The following ZIM2 variants were observed in gnomAD, a reference collection of about 807,000 sequenced individuals.
ZIM2 encodes zinc finger imprinted 2.
Under a neutral mutation model 38.6 loss-of-function variants are expected in ZIM2, and 14 were observed. That is an observed-to-expected ratio of 0.36 (90% CI 0.24 to 0.57). The LOEUF (loss-of-function observed/expected upper bound fraction) is 0.57, where lower values mean the gene tolerates loss of function less well. Ranked by LOEUF, ZIM2 falls within the 20% of genes least tolerant of loss-of-function variation. The pLI is 0.81. For synonymous variants in ZIM2, 247 were observed against 245.8 expected (o/e 1.00, Z -0.04); for missense variants, 680 against 695.1 (o/e 0.98, Z 0.24).
chr19:56,811,576 A>G (rs2059544955), intron 9 of ZIM2: 1 of 985,226 alleles, frequency 1.0e-6, no homozygotes, highest in South Asian at 4.7e-5. Context: ...ACTTACAGCA[A>G]GTTGCTTTCT....
chr19:56,810,415 C>A, intron 9 of ZIM2: 1 of 985,094 alleles, frequency 1.0e-6, no homozygotes, highest in African/African-American at 1.7e-5. Context: ...TTTCATCTTT[C>A]TTCCCATCTT....
chr19:56,814,312 T>TTGGCTTCAAC lies in ZIM2; in HGVS notation c.490+3424_490+3433dup. 6.2e-7 allele frequency: 1 copy of TTGGCTTCAAC among 1,614,154 alleles called. No individual in the cohort carries two copies. Among genetic ancestry groups the TTGGCTTCAAC allele is most frequent in the Non-Finnish European group, 8.5e-7 (1 of 1,180,038 alleles). On this transcript the variant is annotated intron_variant, in intron 9 of 12. Coordinates refer to ENST00000629319, the MANE Select transcript of ZIM2 (RefSeq NM_001387356.1). The surrounding 1 kb of genome is among the most constrained non-coding windows in gnomAD (Gnocchi z 5.8). Reference sequence around the variant, plus strand: ...CAGAACTACTTGTGGAACATGGACATTGGCTTCAACTTCCTGGGCTGCTGC... The same window carrying TTGGCTTCAAC: ...CAGAACTACTTGTGGAACATGGACATTGGCTTCAACTGGCTTCAACTTCCTGGGCTGCTGC...
chr19:56,809,868 A>C (rs1000749753), intron 9 of ZIM2, among the ~76,000 whole-genome samples: 3 of 152,236 alleles, frequency 2.0e-5, no homozygotes, highest in Non-Finnish European at 4.4e-5. Context: ...CATATGTTTT[A>C]GTTTCATAAG....
In ZIM2 at chr19:56,821,636, GAAACCTGAGC is replaced by G. The variant is rs1447112269; in HGVS notation, c.294+5_294+14del. 1 of 1,612,504 alleles carries G rather than the reference GAAACCTGAGC, an allele frequency of 6.2e-7. No individual in the cohort carries two copies. The highest frequency in any genetic ancestry group is 1.3e-5 in the African/African-American group (1 of 74,858). ...GAAGATGGCCTTTCTAGAAAGAGAG[GAAACCTGAGC>G]ATACCTGAGATCGGGACTCATAAGC... On this transcript the variant is annotated splice_donor_5th_base_variant and intron_variant, in intron 7 of 12. Transcript: ENST00000629319.
At chr19:56,791,704 C>T (rs959347146) in intron 9 of ZIM2, among the ~76,000 whole-genome samples, 62 of 152,262 alleles carry the variant, frequency 4.1e-4, no homozygotes, top group African/African-American at 1.4e-3. Context: ...TCATTGTTCC[C>T]TTGCTATATA....
intron 9 of ZIM2, among the ~76,000 whole-genome samples, chr19:56,805,534 T>A (rs930430161): frequency 2.0e-5 from 3 of 152,122 alleles, no homozygotes; most frequent in Non-Finnish European, 4.4e-5. Flanking sequence ...AACCAGAAAG[T>A]ATTCAGTGGG....
At chr19:56,822,991 G>T (rs906998510) in intron 5 of ZIM2, among the ~76,000 whole-genome samples, 155 bp from the exon 6 acceptor site, 1 of 152,126 alleles carries the variant, frequency 6.6e-6, no homozygotes, top group Non-Finnish European at 1.5e-5. Context: ...GGCTCATCTG[G>T]CCCCTTCTTT....
chr19:56,806,003 G>A (rs1410418003), intron 9 of ZIM2, among the ~76,000 whole-genome samples: 1 of 152,224 alleles, frequency 6.6e-6, no homozygotes, highest in Non-Finnish European at 1.5e-5. Flanking sequence ...AGGTGACACA[G>A]ACTGAAGTAT....
At position 56,817,811 on chromosome 19, in the gene ZIM2, T is replaced by C. The variant is rs769942210; in HGVS notation, c.425A>G (p.His142Arg). ...TGAGTGGCCCTGCGTCATGTGGGAG[T>C]GGCCATCGTCTTCAGCAAGCTGCAC... ...LGVQLAEDDG[H>R]SHMTQGHSSR... is the part of the protein sequence containing the mutation. Residue 142 changes from histidine to arginine, a missense_variant, in exon 9 of 13, where the codon CAC becomes CGC. Transcript: ENST00000629319. 2 of 1,613,800 alleles carry C rather than the reference T, an allele frequency of 1.2e-6. No homozygotes were observed. The highest frequency in any genetic ancestry group is 1.1e-5 in the South Asian group (1 of 91,052).
chr19:56,833,475 G>A (rs975605832), intron 2 of ZIM2: 24 of 287,608 alleles, frequency 8.3e-5, no homozygotes, highest in Non-Finnish European at 1.6e-4. Context: ...TGCTGTCCCA[G>A]CCCAGGCCTA....
At chr19:56,824,597 AG>A in intron 3 of ZIM2, 170 bp from the exon 4 acceptor site, 1 of 1,613,354 alleles carries the variant, frequency 6.2e-7, no homozygotes, top group Non-Finnish European at 8.5e-7. Context: ...TAGCTCATAC[AG>A]ATTTGGGGCC....
At chr19:56,831,779 T>C (rs1165949033) in intron 2 of ZIM2, among the ~76,000 whole-genome samples, 2 of 152,230 alleles carry the variant, frequency 1.3e-5, no homozygotes, top group Non-Finnish European at 2.9e-5. Context: ...CCATAGAAAC[T>C]GCAAGCCACA....
At chr19:56,835,946 G>A (rs768527712) in intron 2 of ZIM2, 72 bp downstream of exon 2, 5 of 471,054 alleles carry the variant, frequency 1.1e-5, no homozygotes, top group Non-Finnish European at 1.7e-5. Flanking sequence ...CAGTAGGAAA[G>A]TGTCAGAGTA....
chr19:56,818,388 T>A (rs1051682143), intron 8 of ZIM2, among the ~76,000 whole-genome samples: 1 of 152,204 alleles, frequency 6.6e-6, no homozygotes, highest in African/African-American at 2.4e-5. Flanking sequence ...GTCCCCACCC[T>A]GTACAATGTA....
chr19:56,816,988 G>A (rs1171878052), intron 9 of ZIM2: 2 of 1,614,058 alleles, frequency 1.2e-6, no homozygotes, highest in South Asian at 2.2e-5. Flanking sequence ...GTGGATAAAG[G>A]ACTCACCATA....
At chr19:56,824,934 G>T in intron 3 of ZIM2, 1 of 358,088 alleles carries the variant, frequency 2.8e-6, no homozygotes. Context: ...AGACCTACTC[G>T]AGGAGTTAGC....
chr19:56,822,517 C>G (rs1244300123), intron 6 of ZIM2: 3 of 417,642 alleles, frequency 7.2e-6, no homozygotes, highest in Non-Finnish European at 8.3e-6. Flanking sequence ...TTTAATGCAC[C>G]AGCTTAAGAA....
At chr19:56,779,963 C>T (rs932255284) in intron 11 of ZIM2, among the ~76,000 whole-genome samples, 34 of 152,182 alleles carry the variant, frequency 2.2e-4, no homozygotes, top group African/African-American at 8.2e-4. Flanking sequence ...CCCTTAGTTC[C>T]TTGTTTCCCA....
intron 4 of ZIM2, 35 bp from the exon 5 acceptor site, chr19:56,823,714 G>A (rs758774891): frequency 6.2e-7 from 1 of 1,611,736 alleles, no homozygotes; most frequent in South Asian, 1.1e-5. Context: ...TACTATCTCT[G>A]GCCCACATTC....
Sources: allele counts gnomAD v4.1 joint callset (sites outside exome capture counted in the v4.1 genomes callset), GRCh38; gene constraint gnomAD v4.1.1; non-coding constraint Gnocchi (gnomAD v3.1); transcripts MANE v1.5; gene names NCBI Gene and HGNC (gene_info 2026-07-23, HGNC 2026-07-21).